Variants in ITGA2B observed in about 807,000 individuals in gnomAD.
ITGA2B encodes integrin subunit alpha 2b.
Under a neutral mutation model 142.0 loss-of-function variants are expected in ITGA2B, and 91 were observed. That is an observed-to-expected ratio of 0.64 (90% confidence interval 0.54 to 0.76). The LOEUF is 0.76. Ranked by LOEUF, ITGA2B falls within the 30% of genes least tolerant of loss-of-function variation. ITGA2B has a pLI of 0.00. For missense variants in ITGA2B, 1,231 were observed against 1,350.8 expected (o/e 0.91, Z 1.39); for synonymous variants, 536 against 567.2 (o/e 0.94, Z 0.78).
intron 1 of ITGA2B, among the ~76,000 whole-genome samples, chr17:44,388,944 C>A (rs964473945): frequency 6.6e-6 from 1 of 151,724 alleles, no homozygotes; most frequent in African/African-American, 2.4e-5. Context: ...GGATTACAGG[C>A]ATGAGCCACC....
rs1216878878 is a variant in ITGA2B at position 44,389,357 on chromosome 17, G to A, written c.117C>T (p.Leu39=). Reference sequence around the variant, plus strand: ...TGCCATTGGGGCCTGCATAGAAGGTGAGCTGCACTGGGTCCAGGTTCAAGG... The same window carrying A: ...TGCCATTGGGGCCTGCATAGAAGGTAAGCTGCACTGGGTCCAGGTTCAAGG... The part of the protein sequence containing the change: ...AWALNLDPVQ[L]TFYAGPNGSQ... Residue 39 remains leucine, a synonymous_variant, in exon 1 of 30, where the codon CTC becomes CTT. Coordinates refer to ENST00000262407, the MANE Select transcript of ITGA2B (RefSeq NM_000419.5). 5 of 1,614,018 alleles carry A rather than the reference G, an allele frequency of 3.1e-6. No individual in the cohort carries two copies. The highest frequency in any genetic ancestry group is 4.2e-6 in the Non-Finnish European group (5 of 1,180,032).
In ITGA2B at chr17:44,376,324, G is replaced by GGGCCTC. The variant is rs2143440798; in HGVS notation, c.2326_2331dup (p.Glu776_Ala777dup). ...GCCTCTCACCCTCGCAGCTCCACTT[G>GGGCCTC]GGCCTCTGCCCGGACCGGCACGTCC... On this transcript the variant is annotated inframe_insertion, in exon 23 of 30. Coordinates refer to ENST00000262407, the MANE Select transcript of ITGA2B (RefSeq NM_000419.5). The GGGCCTC allele has an allele frequency of 6.2e-7, 1 of 1,614,160 alleles. No individual in the cohort carries two copies. The highest frequency in any genetic ancestry group is 8.5e-7 in the Non-Finnish European group (1 of 1,180,034).
At chr17:44,383,728 A>C in intron 11 of ITGA2B, 24 bp from the exon 12 acceptor site, 1 of 1,559,910 alleles carries the variant, frequency 6.4e-7, no homozygotes, top group Non-Finnish European at 8.7e-7. Flanking sequence ...GAGTGGTTAC[A>C]TGGGACTGGA....
In ITGA2B at chr17:44,379,784, G is replaced by C; in HGVS notation, c.1783C>G (p.Pro595Ala). 6.2e-7 allele frequency: 1 copy of C among 1,613,862 alleles called. No individual in the cohort carries two copies. The highest frequency in any genetic ancestry group is 8.5e-7 in the Non-Finnish European group (1 of 1,180,002). Residue 595 changes from proline (P) to alanine (A), a missense_variant, in exon 18 of 30, where the codon CCC (proline) becomes GCC (alanine). Around this residue, in one of 3 missense-constraint regions of ITGA2B, gnomAD observed 908 missense variants for 1,021.1 expected, o/e 0.89. Coordinates refer to ENST00000262407, the MANE Select transcript of ITGA2B (RefSeq NM_000419.5). ...DEADFRDKLSPIVLSLNVSLP... is the reference protein window; with the variant it reads ...DEADFRDKLSAIVLSLNVSLP... ...GACACATTGAGGCTGAGCACAATGG[G>C]GCTCAGCTTGTCCCGGAAGTCTGCC...
At position 44,384,297 on chromosome 17, in the gene ITGA2B, G is replaced by A. The variant is rs1477202267; in HGVS notation, c.891+14C>T. ...ATAAGGGGCTTCGGGAGGCCCAGTG[G>A]TGGGGGCACTTACCGCTCCCAGGGT... is the stretch of plus-strand genomic sequence containing the variant. On this transcript the variant is annotated intron_variant, in intron 9 of 29. Transcript: ENST00000262407. 1.2e-6 allele frequency: 2 copies of A among 1,612,934 alleles called. No homozygotes were observed. The highest frequency in any genetic ancestry group is 1.3e-5 in the African/African-American group (1 of 74,832).
chr17:44,384,722 C>T, intron 7 of ITGA2B, 137 bp from the exon 8 acceptor site: 1 of 1,263,210 alleles, frequency 7.9e-7, no homozygotes. Flanking sequence ...CTTCGAGGGG[C>T]CAAGCCCTGC....
At chr17:44,374,569 G>T in intron 28 of ITGA2B, 90 bp downstream of exon 28, 2 of 1,509,554 alleles carry the variant, frequency 1.3e-6, no homozygotes, top group Non-Finnish European at 1.8e-6. Context: ...CCACCCACCC[G>T]TACCACCCCT....
intron 1 of ITGA2B, among the ~76,000 whole-genome samples, chr17:44,387,329 C>A (rs2048657869): frequency 6.6e-6 from 1 of 151,752 alleles, no homozygotes; most frequent in South Asian, 2.1e-4. Flanking sequence ...TTGAGACCAG[C>A]CTGGCCAACA....
chr17:44,389,608 C>T lies in ITGA2B; in HGVS notation c.-135G>A, dbSNP rs1402532247. 2 of 986,224 alleles carry T rather than the reference C, an allele frequency of 2.0e-6. No individual in the cohort carries two copies. The highest frequency in any genetic ancestry group is 3.0e-6 in the Non-Finnish European group (2 of 656,462). 61.1% of individuals were successfully genotyped at this position (986,224 alleles called of 1,614,324 possible). On this transcript the variant is annotated 5_prime_UTR_variant, in exon 1 of 30. Coordinates refer to ENST00000262407, the MANE Select transcript of ITGA2B (RefSeq NM_000419.5). ...GCTGAGCAACGGGCAGAGCAAAGGG[C>T]TATAGCCCCTGGACTCATGGTGGCT... is the stretch of plus-strand genomic sequence containing the variant.
intron 21 of ITGA2B, among the ~76,000 whole-genome samples, chr17:44,377,343 G>C (rs2048554038): frequency 6.6e-6 from 1 of 151,978 alleles, no homozygotes; most frequent in South Asian, 2.1e-4. Context: ...CTATAGGCGT[G>C]CGCCACCATG....
At chr17:44,387,992 G>T (rs1188581077) in intron 1 of ITGA2B, among the ~76,000 whole-genome samples, 1 of 152,084 alleles carries the variant, frequency 6.6e-6, no homozygotes, top group Non-Finnish European at 1.5e-5. Flanking sequence ...GCCATCTTGG[G>T]AGGGGACTTG....
Position 44,386,111 on chromosome 17 carries a change from G to A in ITGA2B, c.209C>T (p.Ala70Val). 1 of 1,603,574 alleles carries A rather than the reference G, an allele frequency of 6.2e-7. No individual in the cohort carries two copies. The change falls in exon 2 of 30, where the codon GCC becomes GTC. Residue 70 changes from alanine (A) to valine (V), a missense_variant. Ala to Val is a moderately conservative substitution (Grantham distance 64). Transcript: ENST00000262407. ...SHGRVAIVVGAPRTLGPSQEE... is the reference protein window; with the variant it reads ...SHGRVAIVVGVPRTLGPSQEE... Reference sequence around the variant, plus strand: ...CTGGCTGGGGCCCAGGGTCCGCGGGGCGCCCACCACGATGGCCACTCTGCA... The same window carrying A: ...CTGGCTGGGGCCCAGGGTCCGCGGGACGCCCACCACGATGGCCACTCTGCA...
In ITGA2B at chr17:44,374,672, C is replaced by T. The variant is rs753409781; in HGVS notation, c.2930G>A (p.Arg977Gln). The change falls in exon 28 of 30, where the codon CGA becomes CAA. Residue 977 changes from arginine to glutamine, a missense_variant. Physicochemically the swap from Arg to Gln is conservative, Grantham distance 43. Transcript: ENST00000262407. ...PYAVPPLSLP[R>Q]GEAQVWTQLL... ...CCCCACACTCACCTGAGCTTCCCCT[C>T]GGGGCAGGCTGAGCGGGGGCACCGC... 6.8e-6 allele frequency: 11 copies of T among 1,613,908 alleles called. No homozygotes were observed. Among genetic ancestry groups the T allele is most frequent in the South Asian group, 2.2e-5 (2 of 91,072 alleles).
chr17:44,372,666 T>TC (rs1368185258), intron 29 of ITGA2B, among the ~76,000 whole-genome samples: 1 of 152,218 alleles, frequency 6.6e-6, no homozygotes, highest in Non-Finnish European at 1.5e-5. Context: ...TCTCACTCTG[T>TC]CACCCAGGCT....
intron 29 of ITGA2B, 86 bp from the exon 30 acceptor site, chr17:44,372,509 C>T: frequency 8.2e-7 from 1 of 1,219,464 alleles, no homozygotes; most frequent in Non-Finnish European, 1.2e-6. Context: ...TAGCTATGAG[C>T]ACCTCCCTGG....
At position 44,386,046 on chromosome 17, in the gene ITGA2B, C is replaced by T. The variant is rs2143491299; in HGVS notation, c.274G>A (p.Glu92Lys). Residue 92 changes from glutamate (E) to lysine (K), a missense_variant, in exon 2 of 30, where the codon GAG (glutamate) becomes AAG (lysine). This residue lies in a region of ITGA2B where 318 missense variants were observed against 312.2 expected (regional missense o/e 1.02). Transcript: ENST00000262407. ...GGVFLCPWRA[E>K]GGQCPSLLFD... ...AGCAGCGAGGGGCACTGGCCGCCCT[C>T]GGCCCTCCAGGGGCACAGGAACACG... 3 of 1,613,038 alleles carry T rather than the reference C, an allele frequency of 1.9e-6. No individual in the cohort carries two copies. Among genetic ancestry groups the T allele is most frequent in the Admixed American group, 1.7e-5 (1 of 60,016 alleles).
At chr17:44,382,187 CACA>C (rs2048603173) in intron 12 of ITGA2B, among the ~76,000 whole-genome samples, 2 of 152,258 alleles carry the variant, frequency 1.3e-5, no homozygotes, top group African/African-American at 4.8e-5. Flanking sequence ...CCCATTTCCC[CACA>C]ACATCATTTT....
chr17:44,385,435 G>A, intron 4 of ITGA2B, 100 bp from the exon 5 acceptor site: 1 of 1,527,798 alleles, frequency 6.5e-7, no homozygotes, highest in Non-Finnish European at 8.8e-7. Context: ...TGAGTCGGCG[G>A]GGCCCTGGGG....
At position 44,385,712 on chromosome 17, in the gene ITGA2B, C is replaced by A; in HGVS notation, c.413G>T (p.Cys138Phe). 2 of 1,613,638 alleles carry A rather than the reference C, an allele frequency of 1.2e-6. No homozygotes were observed. Among genetic ancestry groups the A allele is most frequent in the African/African-American group, 1.3e-5 (1 of 75,064 alleles). The change falls in exon 4 of 30, where the codon TGC (cysteine) becomes TTC (phenylalanine). Residue 138 changes from cysteine (C) to phenylalanine (F), a missense_variant. Physicochemically the swap from Cys to Phe is radical, Grantham distance 205 (BLOSUM62 -2). Around this residue, in one of 3 missense-constraint regions of ITGA2B, gnomAD observed 318 missense variants for 312.2 expected, o/e 1.02. Coordinates refer to ENST00000262407, the MANE Select transcript of ITGA2B (RefSeq NM_000419.5). ...VVSWSDVIVACAPWQHWNVLE... is the reference protein window; with the variant it reads ...VVSWSDVIVAFAPWQHWNVLE... Reference sequence around the variant, plus strand: ...GACGTTCCAGTGCTGCCAGGGGGCGCAGGCCTGGAGAAAGGCCACAGGAGT... The same window carrying A: ...GACGTTCCAGTGCTGCCAGGGGGCGAAGGCCTGGAGAAAGGCCACAGGAGT...
Sources: gnomAD v4.1 joint callset for allele counts (sites outside exome capture counted in the v4.1 genomes callset) on GRCh38, gnomAD v4.1.1 for gene constraint, gnomAD v4.1.1 regional missense constraint, MANE v1.5 for transcripts, NCBI Gene and HGNC (gene_info 2026-07-23, HGNC 2026-07-21) for gene names.